PHF21A: variants seen among roughly 807,000 people sequenced by gnomAD.
The protein encoded by PHF21A is PHD finger protein 21A.
PHF21A carries 11 observed loss-of-function variants against 82.5 expected under a neutral mutation model. The observed-to-expected ratio is 0.13, with a 90% CI of 0.08 to 0.22. The LOEUF is 0.22. Ranked by LOEUF, PHF21A falls within the 10% of genes least tolerant of loss-of-function variation. The probability of loss-of-function intolerance (pLI) is 1.00; values close to 1 mark genes in which losing one functional copy is unlikely to be tolerated. For synonymous variants in PHF21A, 297 were observed against 302.8 expected, an observed-to-expected ratio of 0.98 and a Z score of 0.20; for missense variants, 579 against 837.8, an observed-to-expected ratio of 0.69 and a Z score of 3.81.
chr11:46,099,309 A>C (rs897914115), intron 1 of PHF21A, among the ~76,000 whole-genome samples: 8 of 152,150 alleles, frequency 5.3e-5, no homozygotes, highest in African/African-American at 1.9e-4. Flanking sequence ...CTTTAAACAC[A>C]GAAGAAAACT....
chr11:46,024,137 T>C (rs1212517102), intron 6 of PHF21A, among the ~76,000 whole-genome samples: 1 of 152,240 alleles, frequency 6.6e-6, no homozygotes, highest in Non-Finnish European at 1.5e-5. Context: ...AATGATTTTA[T>C]ATGTTGGGCT....
At chr11:45,946,596 C>T (rs1350859402) in intron 14 of PHF21A, among the ~76,000 whole-genome samples, 1 of 152,048 alleles carries the variant, frequency 6.6e-6, no homozygotes, top group Non-Finnish European at 1.5e-5. Flanking sequence ...AGGATGGTCT[C>T]GATCTCCTGA....
chr11:45,993,966 A>G (rs1398293772), intron 6 of PHF21A, among the ~76,000 whole-genome samples: 2 of 152,132 alleles, frequency 1.3e-5, no homozygotes, highest in African/African-American at 4.8e-5. Flanking sequence ...GCAGGGCTAG[A>G]TAACTTGCTT....
chr11:45,968,952 A>G (rs901796623), intron 9 of PHF21A, among the ~76,000 whole-genome samples: 2 of 133,504 alleles, frequency 1.5e-5, no homozygotes, highest in Non-Finnish European at 3.2e-5. Flanking sequence ...AAAAAAAAAA[A>G]AAAAATAGGC....
At chr11:45,936,054 A>C (rs2088930481) in intron 17 of PHF21A, among the ~76,000 whole-genome samples, 1 of 152,116 alleles carries the variant, frequency 6.6e-6, no homozygotes, top group Non-Finnish European at 1.5e-5. Flanking sequence ...AAGGCAGGTG[A>C]ATCACTTGAG....
chr11:45,966,690 G>C (rs1392121719), intron 9 of PHF21A, among the ~76,000 whole-genome samples: 1 of 152,106 alleles, frequency 6.6e-6, no homozygotes, highest in Non-Finnish European at 1.5e-5. Context: ...CGCGACCTCG[G>C]CTCACAGCAG....
intron 10 of PHF21A, among the ~76,000 whole-genome samples, chr11:45,958,941 CAG>C (rs1343412718): frequency 1.3e-5 from 2 of 152,036 alleles, no homozygotes; most frequent in Non-Finnish European, 2.9e-5. Context: ...ACCAAAAGAA[CAG>C]AAAATTACAG....
At chr11:46,047,457 C>A (rs1008855321) in intron 6 of PHF21A, among the ~76,000 whole-genome samples, 1 of 151,926 alleles carries the variant, frequency 6.6e-6, no homozygotes, top group Admixed American at 6.6e-5. Context: ...ATATTCCTGG[C>A]TTGTTCTTCT....
chr11:45,960,833 T>C (rs1351814129), intron 10 of PHF21A, among the ~76,000 whole-genome samples: 1 of 152,270 alleles, frequency 6.6e-6, no homozygotes, highest in Non-Finnish European at 1.5e-5. Flanking sequence ...TCTGCATATA[T>C]GGTGTTTAAA....
Position 45,933,313 on chromosome 11 carries a change from GAGA to G in PHF21A, c.*652_*654del, listed in dbSNP as rs2087921361. On this transcript the variant is annotated 3_prime_UTR_variant, in exon 19 of 19. Transcript: ENST00000676320. Reference sequence around the variant, plus strand: ...ACCGCGCAGGGAGCAGAGTGCAGGGGAGAAGAACCTACTGGCTGTTCTTGGTGT... The same window carrying G: ...ACCGCGCAGGGAGCAGAGTGCAGGGGAGAACCTACTGGCTGTTCTTGGTGT... 1 of 152,654 alleles carries G rather than the reference GAGA, an allele frequency of 6.6e-6. No homozygotes were observed. Among genetic ancestry groups the G allele is most frequent in the South Asian group, 2.1e-4 (1 of 4,830 alleles). The allele number at this position is 152,654 out of a possible 1,614,324, so 9.5% of individuals were successfully genotyped here.
intron 6 of PHF21A, among the ~76,000 whole-genome samples, chr11:46,056,146 C>T (rs1056795937): frequency 6.6e-6 from 1 of 152,022 alleles, no homozygotes; most frequent in Non-Finnish European, 1.5e-5. Context: ...TAATTTAATG[C>T]CTCCGGTTTT....
At chr11:46,092,547 C>T (rs1170738603) in intron 1 of PHF21A, among the ~76,000 whole-genome samples, 3 of 152,112 alleles carry the variant, frequency 2.0e-5, no homozygotes, top group African/African-American at 7.2e-5. Flanking sequence ...ACTCCTTCAT[C>T]CCCAACAAGT....
chr11:45,979,886 T>C lies in PHF21A; in HGVS notation c.234A>G (p.Pro78=), dbSNP rs140971307. The change falls in exon 7 of 19, where the codon CCA becomes CCG. Residue 78 remains proline, a synonymous_variant. Transcript: ENST00000676320. ...QPDKFQIQPL[P]QSENKLQTAQ... is the part of the protein sequence containing the mutation. ...CTGTTTGTAGTTTGTTTTCAGATTG[T>C]GGCAATGGCTGTATTTGGAACTTGT... 3.8e-5 allele frequency: 61 copies of C among 1,614,102 alleles called. No individual in the cohort carries two copies. Among genetic ancestry groups the C allele is most frequent in the Non-Finnish European group, 5.1e-5 (60 of 1,180,030 alleles).
chr11:46,041,662 A>C (rs1490006804), intron 6 of PHF21A, among the ~76,000 whole-genome samples: 2 of 152,162 alleles, frequency 1.3e-5, no homozygotes, highest in Non-Finnish European at 1.5e-5. Flanking sequence ...CCCAGATTTA[A>C]AACAAAGAAA....
intron 6 of PHF21A, among the ~76,000 whole-genome samples, chr11:46,031,647 T>C (rs2095868495): frequency 6.6e-6 from 1 of 152,372 alleles, no homozygotes; most frequent in African/African-American, 2.4e-5. Flanking sequence ...AGTGGATTCT[T>C]TTCTCTTTAG....
intron 6 of PHF21A, among the ~76,000 whole-genome samples, chr11:46,064,715 T>C (rs2096575207): frequency 6.6e-6 from 1 of 152,084 alleles, no homozygotes; most frequent in South Asian, 2.1e-4. Context: ...AAAGGAGAAA[T>C]CCAAAACACC....
At chr11:46,060,908 T>C (rs1407998904) in intron 6 of PHF21A, among the ~76,000 whole-genome samples, 1 of 152,258 alleles carries the variant, frequency 6.6e-6, no homozygotes, top group Non-Finnish European at 1.5e-5. Flanking sequence ...TGAATGGTAT[T>C]GCTGAGGTTA....
rs142787547 is a variant in PHF21A at position 46,121,177 on chromosome 11, A to ACTCCCTCTCTCTCT, written c.-480_-479insAGAGAGAGAGGGAG. ...CCTCCTCTCCTCTCCTCTCTCTCTC[A>ACTCCCTCTCTCTCT]CTCACTCTCTCTCTCTCTCTCTCTC... On this transcript the variant is annotated 5_prime_UTR_variant, in exon 1 of 19. Transcript: ENST00000676320. 1 of 28,094 alleles carries ACTCCCTCTCTCTCT rather than the reference A, an allele frequency of 3.6e-5. No individual in the cohort carries two copies. Among genetic ancestry groups the ACTCCCTCTCTCTCT allele is most frequent in the South Asian group, 1.8e-3 (1 of 558 alleles). The allele number at this position is 28,094 out of a possible 1,614,324, so 1.7% of individuals were successfully genotyped here. A position where few individuals can be genotyped will look rare whatever the true frequency, so the allele number is the denominator to read the frequency against.
chr11:46,067,524 T>C (rs1294973285), intron 6 of PHF21A, among the ~76,000 whole-genome samples: 1 of 150,540 alleles, frequency 6.6e-6, no homozygotes, highest in Non-Finnish European at 1.5e-5. Context: ...TAAATTGGAA[T>C]AGAGTTAATA....
Sources: gnomAD v4.1 joint callset for allele counts (sites outside exome capture counted in the v4.1 genomes callset) on GRCh38, gnomAD v4.1.1 for gene constraint, MANE v1.5 for transcripts, NCBI Gene and HGNC (gene_info 2026-07-23, HGNC 2026-07-21) for gene names.